Variants in HTR4 observed in about 807,000 individuals in gnomAD.
HTR4 encodes 5-hydroxytryptamine receptor 4, also known as 5-hydroxytryptamine (serotonin) receptor 4, G protein-coupled.
In HTR4, 16 loss-of-function variants were observed where a neutral mutation model predicts 36.8. The ratio of observed to expected loss-of-function variants is 0.43; its 90% confidence interval spans 0.29 to 0.66. The LOEUF is 0.66. Among genes scored for constraint, HTR4 ranks in the 30% least tolerant of loss-of-function variants. The pLI, the probability that HTR4 is intolerant of heterozygous loss-of-function variation, is 0.13. For missense variants in HTR4, 438 were observed against 490.9 expected (o/e 0.89, Z 1.02); for synonymous variants, 189 against 185.1 (o/e 1.02, Z -0.17).
intron 2 of HTR4, 54 bp downstream of exon 2, chr5:148,636,935 C>T: frequency 8.7e-7 from 1 of 1,153,426 alleles, no homozygotes; most frequent in South Asian, 1.3e-5. Context: ...TTAGAGTCTT[C>T]ATAGCAGAAA....
intron 5 of HTR4, chr5:148,520,858 C>T: frequency 7.3e-7 from 1 of 1,365,714 alleles, no homozygotes; most frequent in Non-Finnish European, 9.8e-7. Context: ...AGTTACACTT[C>T]TAATTCACTC....
chr5:148,552,901 T>C (rs912234411), intron 2 of HTR4, among the ~76,000 whole-genome samples: 4 of 152,194 alleles, frequency 2.6e-5, no homozygotes, highest in Non-Finnish European at 5.9e-5. Context: ...AAGAGAGATA[T>C]ATTGTGCTCA....
chr5:148,636,026 T>A (rs1399610281), intron 2 of HTR4, among the ~76,000 whole-genome samples: 1 of 152,170 alleles, frequency 6.6e-6, no homozygotes. Context: ...GATCAACATC[T>A]CTTTATTAAA....
At chr5:148,469,298 C>CT (rs1433978573) in intron 5 of HTR4, among the ~76,000 whole-genome samples, 1 of 152,124 alleles carries the variant, frequency 6.6e-6, no homozygotes, top group Admixed American at 6.5e-5. Context: ...AAAATGTTAG[C>CT]TTTTTTTATA....
At chr5:148,505,559 A>G (rs1757154204) in intron 6 of HTR4, among the ~76,000 whole-genome samples, 1 of 152,178 alleles carries the variant, frequency 6.6e-6, no homozygotes, top group South Asian at 2.1e-4. Context: ...AGGGTATTCA[A>G]TTAGGAAAAG....
chr5:148,549,212 C>T (rs1332441722), intron 3 of HTR4, among the ~76,000 whole-genome samples: 2 of 152,118 alleles, frequency 1.3e-5, no homozygotes, highest in Admixed American at 6.5e-5. Flanking sequence ...TGCAGATGTT[C>T]TTTCTTCCAA....
At chr5:148,547,072 G>T (rs937788507) in intron 4 of HTR4, among the ~76,000 whole-genome samples, 3 of 152,036 alleles carry the variant, frequency 2.0e-5, no homozygotes, top group African/African-American at 7.2e-5. Flanking sequence ...TATGTTCTTG[G>T]CAGAGGAAAA....
At chr5:148,575,229 G>A (rs1197808248) in intron 2 of HTR4, among the ~76,000 whole-genome samples, 1 of 151,982 alleles carries the variant, frequency 6.6e-6, no homozygotes, top group Non-Finnish European at 1.5e-5. Flanking sequence ...AATTACAAGA[G>A]GTCTATACCT....
At chr5:148,530,316 G>GA (rs1758496377) in intron 4 of HTR4, among the ~76,000 whole-genome samples, 1 of 152,086 alleles carries the variant, frequency 6.6e-6, no homozygotes, top group South Asian at 2.1e-4. Context: ...AAGCCTAGGA[G>GA]AAAAAATGGT....
In HTR4 at chr5:148,576,110, C is replaced by CAAAA. The variant is rs781780161; in HGVS notation, c.27-25852_27-25849dup. Among the ~76,000 whole-genome samples, 12 of 32,692 alleles carry CAAAA rather than the reference C, an allele frequency of 3.7e-4. 1 individual carries two copies. Among genetic ancestry groups the CAAAA allele is most frequent in the East Asian group, 1.3e-3 (1 of 748 alleles). 21.4% of individuals were successfully genotyped at this position (32,692 alleles called of 152,430 possible). Reference sequence around the variant, plus strand: ...TGGGCGACAGAGCGAGACTCCGTCTCAAAAAAAAAAAAAAAAAAAAAAACA... The same window carrying CAAAA: ...TGGGCGACAGAGCGAGACTCCGTCTCAAAAAAAAAAAAAAAAAAAAAAAAAAACA... On this transcript the variant is annotated intron_variant, in intron 2 of 6. Transcript: ENST00000377888.
intron 2 of HTR4, among the ~76,000 whole-genome samples, chr5:148,559,342 T>C (rs1760090119): frequency 6.6e-6 from 1 of 152,190 alleles, no homozygotes; most frequent in South Asian, 2.1e-4. Flanking sequence ...CCTTTATTAC[T>C]GGCCATGAAC....
intron 6 of HTR4, chr5:148,484,225 A>T (rs200515795): frequency 1.9e-6 from 3 of 1,593,688 alleles, no homozygotes; most frequent in Non-Finnish European, 2.6e-6. Context: ...AAGGTAAAAA[A>T]TGTTGAGCAA....
At chr5:148,590,083 A>G (rs923950415) in intron 2 of HTR4, among the ~76,000 whole-genome samples, 1 of 152,166 alleles carries the variant, frequency 6.6e-6, no homozygotes, top group South Asian at 2.1e-4. Context: ...TAATTTTAAT[A>G]TAGTCAAAGA....
At position 148,543,816 on chromosome 5, in the gene HTR4, G is replaced by T. The variant is rs1041112930; in HGVS notation, c.353+4852C>A. On this transcript the variant is annotated intron_variant, in intron 4 of 6. Coordinates refer to ENST00000377888, the MANE Select transcript of HTR4 (RefSeq NM_000870.7). ...AGGAGGTTAACCAAGACCAATGTAG[G>T]AGTGATGCACCCCGTAAGAGATGGT... Among the ~76,000 whole-genome samples the T allele has an allele frequency of 1.3e-3, 195 of 152,258 alleles. 1 individual carries two copies. Among genetic ancestry groups the T allele is most frequent in the African/African-American group, 4.5e-3 (185 of 41,556 alleles).
In HTR4 at chr5:148,605,260, T is replaced by C. The variant is rs532808144; in HGVS notation, c.26+31729A>G. On this transcript the variant is annotated intron_variant, in intron 2 of 6. Coordinates refer to ENST00000377888, the MANE Select transcript of HTR4 (RefSeq NM_000870.7). ...CATTTTCTTTTCTTTTCTTTTCTTT[T>C]TTTTTTTTTTTTTTTGAGATGGAGT... Among the ~76,000 whole-genome samples the C allele has an allele frequency of 1.5e-3, 214 of 139,950 alleles. 1 individual carries two copies. The highest frequency in any genetic ancestry group is 4.8e-3 in the African/African-American group (182 of 37,774). 91.8% of individuals were successfully genotyped at this position (139,950 alleles called of 152,430 possible). A position where few individuals can be genotyped will look rare whatever the true frequency, so the allele number is the denominator to read the frequency against.
chr5:148,556,220 C>T (rs1477912549), intron 2 of HTR4, among the ~76,000 whole-genome samples: 3 of 152,220 alleles, frequency 2.0e-5, no homozygotes, highest in East Asian at 3.9e-4. Context: ...GACAGGGTTT[C>T]GCCATGTGGG....
At chr5:148,471,858 A>T (rs970357371), downstream of HTR4, among the ~76,000 whole-genome samples, 12 of 152,284 alleles carry the variant, frequency 7.9e-5, no homozygotes, top group South Asian at 8.3e-4. Context: ...TCTCAAAAGG[A>T]TTTTTTATGC....
At chr5:148,489,124 T>TACCTTAA (rs2113731234) in intron 6 of HTR4, among the ~76,000 whole-genome samples, 1 of 152,292 alleles carries the variant, frequency 6.6e-6, no homozygotes, top group East Asian at 1.9e-4. Context: ...TAGGAGAAAA[T>TACCTTAA]ACCTTAAAAG....
At chr5:148,511,871 A>T (rs1008409704) in intron 5 of HTR4, among the ~76,000 whole-genome samples, 1 of 152,156 alleles carries the variant, frequency 6.6e-6, no homozygotes, top group African/African-American at 2.4e-5. Flanking sequence ...TGATGTTGGT[A>T]AAGTTTATTT....
Sources: gnomAD v4.1 joint callset for allele counts (sites outside exome capture counted in the v4.1 genomes callset) on GRCh38, gnomAD v4.1.1 for gene constraint, MANE v1.5 for transcripts, NCBI Gene and HGNC (gene_info 2026-07-23, HGNC 2026-07-21) for gene names.